The following TBC1D16 variants were observed in gnomAD, a reference collection of about 807,000 sequenced individuals.
The protein encoded by TBC1D16 is TBC1 domain family member 16.
In TBC1D16, 58 loss-of-function variants were observed where a neutral mutation model predicts 74.7. The observed-to-expected ratio is 0.78, with a 90% CI of 0.63 to 0.97. The LOEUF (loss-of-function observed/expected upper bound fraction) is 0.97, where lower values mean the gene tolerates loss of function less well. Among genes scored for constraint, TBC1D16 ranks in the 50% least tolerant of loss-of-function variants. TBC1D16 has a pLI of 0.00. For missense variants in TBC1D16, 1,014 were observed against 1,079.5 expected, an observed-to-expected ratio of 0.94 and a Z score of 0.85; for synonymous variants, 493 against 474.7, an observed-to-expected ratio of 1.04 and a Z score of -0.50.
intron 9 of TBC1D16, among the ~76,000 whole-genome samples, chr17:79,946,032 C>T (rs560206440): frequency 2.6e-5 from 4 of 152,334 alleles, no homozygotes; most frequent in Admixed American, 1.3e-4. Flanking sequence ...GCTCCACTCC[C>T]GCCCCCTGTG....
intron 9 of TBC1D16, among the ~76,000 whole-genome samples, chr17:79,945,505 G>A (rs986862294): frequency 2.0e-5 from 3 of 152,170 alleles, no homozygotes; most frequent in African/African-American, 7.2e-5. Flanking sequence ...CGCTCACCCA[G>A]ATCTATCATC....
At position 80,030,897 on chromosome 17, in the gene TBC1D16, A is replaced by G. The variant is rs375586934; in HGVS notation, c.-63+4898T>C. Among the ~76,000 whole-genome samples the G allele has an allele frequency of 4.7e-4, 72 of 152,382 alleles. No individual in the cohort carries two copies. In the South Asian group the frequency reaches 0.011, roughly 24 times the overall value. ...CGGTCACCTGGCACATGGCCGGCAG[A>G]AACTGGTTCATCTGCTTTGCCCTCA... On this transcript the variant is annotated intron_variant, in intron 1 of 11. Coordinates refer to ENST00000310924, the MANE Select transcript of TBC1D16 (RefSeq NM_019020.4).
intron 3 of TBC1D16, among the ~76,000 whole-genome samples, chr17:79,998,833 C>A (rs1250156525): frequency 6.6e-6 from 1 of 152,216 alleles, no homozygotes; most frequent in East Asian, 1.9e-4. Flanking sequence ...GAAGTGGTTA[C>A]AAACACCTGC....
At chr17:80,029,688 C>T (rs2036709006) in intron 1 of TBC1D16, among the ~76,000 whole-genome samples, 1 of 152,118 alleles carries the variant, frequency 6.6e-6, no homozygotes, top group Non-Finnish European at 1.5e-5. Context: ...ATGACACAAC[C>T]GTCTCCCCTC....
chr17:80,031,281 T>C (rs115651735), intron 1 of TBC1D16, among the ~76,000 whole-genome samples: 246 of 152,204 alleles, frequency 1.6e-3, no homozygotes, highest in African/African-American at 5.5e-3. Context: ...AGTTACAGGA[T>C]GAATTGAGAA....
chr17:80,010,140 G>A lies in TBC1D16; in HGVS notation c.779+20C>T, dbSNP rs2035821131. Reference sequence around the variant, plus strand: ...CCTTGGGGGCCTCCCGAGAGCCCACGCCCAGAACCAGGAACTCACCTGCTG... The same window carrying A: ...CCTTGGGGGCCTCCCGAGAGCCCACACCCAGAACCAGGAACTCACCTGCTG... On this transcript the variant is annotated intron_variant, in intron 3 of 11. Coordinates refer to ENST00000310924, the MANE Select transcript of TBC1D16 (RefSeq NM_019020.4). This position sits in a 1 kb window ranked among gnomAD's most constrained non-coding sequence, Gnocchi z 8.8. 4 of 1,590,034 alleles carry A rather than the reference G, an allele frequency of 2.5e-6. No individual in the cohort carries two copies. Among genetic ancestry groups the A allele is most frequent in the East Asian group, 2.2e-5 (1 of 44,592 alleles).
rs528465900 is a variant in TBC1D16 at position 79,943,708 on chromosome 17, G to A, written c.1908+1200C>T. The A allele has an allele frequency of 7.3e-4, 482 of 659,806 alleles. 1 individual carries two copies. Among genetic ancestry groups the A allele is most frequent in the Non-Finnish European group, 8.8e-4 (451 of 515,192 alleles). The allele number at this position is 659,806 out of a possible 1,614,324, so 40.9% of individuals were successfully genotyped here. On this transcript the variant is annotated intron_variant, in intron 10 of 11. Coordinates refer to ENST00000310924, the MANE Select transcript of TBC1D16 (RefSeq NM_019020.4). The stretch of plus-strand genomic sequence containing the variant: ...GCAGCCAACAGAGATCCCACGTCAC[G>A]TGGGCCTCCCGCTGGAATTCTGACT...
In TBC1D16 at chr17:79,934,089, G is replaced by A. The variant is rs779405183; in HGVS notation, c.*6770C>T. 16 of 152,230 alleles carry A rather than the reference G, an allele frequency of 1.1e-4. No individual in the cohort carries two copies. The highest frequency in any genetic ancestry group is 5.2e-4 in the Admixed American group (8 of 15,294). The allele number at this position is 152,230 out of a possible 1,614,324, so 9.4% of individuals were successfully genotyped here. A position where few individuals can be genotyped will look rare whatever the true frequency, so the allele number is the denominator to read the frequency against. On this transcript the variant is annotated 3_prime_UTR_variant, in exon 12 of 12. Coordinates refer to ENST00000310924, the MANE Select transcript of TBC1D16 (RefSeq NM_019020.4). ...GAGGGCTGCGGGACAACAGAGAGCCGGGCCTGCCCGAGGCACGGCCCCTGA... is the reference window on the plus strand; with the variant it reads ...GAGGGCTGCGGGACAACAGAGAGCCAGGCCTGCCCGAGGCACGGCCCCTGA...
At position 79,990,442 on chromosome 17, in the gene TBC1D16, A is replaced by G. The variant is rs1307009875; in HGVS notation, c.779+19718T>C. Among the ~76,000 whole-genome samples the G allele has an allele frequency of 6.6e-6, 1 of 152,098 alleles. No individual in the cohort carries two copies. The highest frequency in any genetic ancestry group is 2.4e-5 in the African/African-American group (1 of 41,432). The stretch of plus-strand genomic sequence containing the variant: ...TCCCAATGCTTGAAGTTCACGACCA[A>G]TTGCTGGGGTGGGGACAACCTACAC... On this transcript the variant is annotated intron_variant, in intron 3 of 11. Transcript: ENST00000310924. The surrounding 1 kb of genome is among the most constrained non-coding windows in gnomAD (Gnocchi z 4.8).
intron 3 of TBC1D16, among the ~76,000 whole-genome samples, chr17:80,002,358 C>G (rs2035523364): frequency 6.6e-6 from 1 of 152,256 alleles, no homozygotes; most frequent in Non-Finnish European, 1.5e-5. Flanking sequence ...CTCCTAAAGG[C>G]AGAAAGCACT....
chr17:79,945,613 C>A, intron 9 of TBC1D16, among the ~76,000 whole-genome samples: 1 of 152,332 alleles, frequency 6.6e-6, no homozygotes. Flanking sequence ...GGGACAAGAT[C>A]GGGGCTATTT....
At chr17:79,976,542 A>G (rs2034338819) in intron 3 of TBC1D16, among the ~76,000 whole-genome samples, 1 of 152,170 alleles carries the variant, frequency 6.6e-6, no homozygotes, top group Non-Finnish European at 1.5e-5. Context: ...CCCAACAAAG[A>G]TGAGCTCAAA....
chr17:79,964,409 T>G (rs1568594080), intron 3 of TBC1D16, among the ~76,000 whole-genome samples: 1 of 152,234 alleles, frequency 6.6e-6, no homozygotes, highest in Admixed American at 6.5e-5. Context: ...TGATAGTATA[T>G]TTTGATGCGC....
intron 1 of TBC1D16, among the ~76,000 whole-genome samples, chr17:80,016,306 C>T (rs1305398430): frequency 2.0e-5 from 3 of 152,000 alleles, no homozygotes; most frequent in African/African-American, 7.3e-5. Context: ...AGAGCTTCAG[C>T]TTGGGAGGAT....
rs946454656 is a variant in TBC1D16, at chr17:80,024,841, C to T, written c.-63+10954G>A. The stretch of plus-strand genomic sequence containing the variant: ...ATAGACACACGCACTACATACACAC[C>T]GTAGACACACACCACAGATACATAC... On this transcript the variant is annotated intron_variant, in intron 1 of 11. Transcript: ENST00000310924. Among the ~76,000 whole-genome samples the T allele has an allele frequency of 1.8e-4, 26 of 143,520 alleles. 3 individuals carry two copies. The highest frequency in any genetic ancestry group is 6.1e-4 in the African/African-American group (22 of 36,202). The allele number at this position is 143,520 out of a possible 152,430, so 94.2% of individuals were successfully genotyped here.
intron 3 of TBC1D16, among the ~76,000 whole-genome samples, chr17:79,957,530 G>A (rs535208256): frequency 1.3e-5 from 2 of 152,302 alleles, no homozygotes; most frequent in South Asian, 4.1e-4. Context: ...AAGACCAGTG[G>A]TTGCCAGGAG....
intron 3 of TBC1D16, among the ~76,000 whole-genome samples, chr17:79,968,209 G>A (rs757259937): frequency 5.3e-5 from 8 of 152,192 alleles, no homozygotes; most frequent in Non-Finnish European, 1.0e-4. Flanking sequence ...GGCCAGGCTG[G>A]TCTCAAACTC....
chr17:80,011,381 T>A (rs138524083), intron 2 of TBC1D16, among the ~76,000 whole-genome samples: 4 of 152,074 alleles, frequency 2.6e-5, no homozygotes, highest in Non-Finnish European at 4.4e-5. Context: ...CCAGGGGCTC[T>A]CCCTGTGTTC....
intron 1 of TBC1D16, among the ~76,000 whole-genome samples, chr17:80,024,605 A>ACATACACACCACACACCATAAG (rs1568648779): frequency 2.2e-5 from 2 of 90,212 alleles, no homozygotes; most frequent in Middle Eastern, 6.2e-3. Flanking sequence ...CACACCATAG[A>ACATACACACCACACACCATAAG]CACACACACC....
Sources: gnomAD v4.1 joint callset for allele counts (sites outside exome capture counted in the v4.1 genomes callset) on GRCh38, gnomAD v4.1.1 for gene constraint, Gnocchi (gnomAD v3.1) non-coding constraint, MANE v1.5 for transcripts, NCBI Gene and HGNC (gene_info 2026-07-23, HGNC 2026-07-21) for gene names.